Variants in ADGRL3 observed in about 807,000 individuals in gnomAD.
ADGRL3 encodes the protein calcium-independent alpha-latrotoxin receptor 3.
Under a neutral mutation model 153.5 loss-of-function variants are expected in ADGRL3, and 62 were observed. The ratio of observed to expected loss-of-function variants is 0.40; its 90% CI spans 0.33 to 0.50. The LOEUF (loss-of-function observed/expected upper bound fraction) is 0.50, where lower values mean the gene tolerates loss of function less well. Among genes scored for constraint, ADGRL3 ranks in the 20% least tolerant of loss-of-function variants. The pLI, the probability that ADGRL3 is intolerant of heterozygous loss-of-function variation, is 0.47. For missense variants in ADGRL3, 1,641 were observed against 1,859.4 expected, an observed-to-expected ratio of 0.88 and a Z score of 2.16; for synonymous variants, 710 against 672.5, an observed-to-expected ratio of 1.06 and a Z score of -0.86.
intron 2 of ADGRL3, among the ~76,000 whole-genome samples, chr4:61,437,841 T>TCCTC (rs2097470860): frequency 6.6e-6 from 1 of 152,056 alleles, no homozygotes; most frequent in Non-Finnish European, 1.5e-5. Context: ...CTGCTCGTCC[T>TCCTC]CCTCCCTCCC....
rs1745498789 is a variant in ADGRL3 at position 62,071,014 on chromosome 4, T to C, written c.*106T>C. The C allele has an allele frequency of 2.0e-6, 2 of 983,476 alleles. No individual in the cohort carries two copies. Among genetic ancestry groups the C allele is most frequent in the African/African-American group, 3.3e-5 (2 of 60,706 alleles). 60.9% of individuals were successfully genotyped at this position (983,476 alleles called of 1,614,324 possible). ...TGTGTGTACTCCTAAATCTTTATGC[T>C]GTCCTCTAAAGACAAACACAAACTC... On this transcript the variant is annotated 3_prime_UTR_variant, in exon 27 of 27. Transcript: ENST00000683033.
chr4:61,867,034 T>C (rs2098404560), intron 9 of ADGRL3, among the ~76,000 whole-genome samples: 1 of 152,082 alleles, frequency 6.6e-6, no homozygotes, highest in African/African-American at 2.4e-5. Flanking sequence ...ACATGGAAAA[T>C]TCATATGTAC....
chr4:61,807,554 A>G (rs2097565620), intron 8 of ADGRL3, among the ~76,000 whole-genome samples: 1 of 152,118 alleles, frequency 6.6e-6, no homozygotes, highest in Non-Finnish European at 1.5e-5. Flanking sequence ...AGCATTTCTC[A>G]CGCCAATGTA....
chr4:61,490,492 A>T (rs978915797), intron 2 of ADGRL3, among the ~76,000 whole-genome samples: 2 of 152,136 alleles, frequency 1.3e-5, no homozygotes, highest in African/African-American at 2.4e-5. Context: ...ACACACATGT[A>T]AATTTGTTGA....
chr4:61,549,918 T>C (rs1022568125), intron 4 of ADGRL3, among the ~76,000 whole-genome samples: 2 of 152,014 alleles, frequency 1.3e-5, no homozygotes, highest in African/African-American at 4.8e-5. Context: ...TGAATTCTTA[T>C]ATTTAAATAA....
intron 4 of ADGRL3, among the ~76,000 whole-genome samples, chr4:61,541,988 T>G (rs910285420): frequency 5.3e-5 from 8 of 152,168 alleles, no homozygotes; most frequent in African/African-American, 1.7e-4. Flanking sequence ...TCGTGGCCAA[T>G]TTATCCACAC....
At chr4:61,211,681 C>G (rs76355532) in intron 1 of ADGRL3, 2,607 of 152,232 alleles carry the variant, frequency 0.017, 37 homozygotes, top group Non-Finnish European at 0.028. Flanking sequence ...ACCAACAAAA[C>G]CCAACAAAAT....
intron 6 of ADGRL3, among the ~76,000 whole-genome samples, chr4:61,680,804 T>C (rs1057073142): frequency 2.6e-5 from 4 of 152,080 alleles, no homozygotes; most frequent in African/African-American, 7.2e-5. Flanking sequence ...TTTGTACTTA[T>C]TTTTCCGAGT....
chr4:61,869,454 C>T (rs1244244478), intron 9 of ADGRL3, among the ~76,000 whole-genome samples: 3 of 151,064 alleles, frequency 2.0e-5, no homozygotes, highest in Non-Finnish European at 4.4e-5. Flanking sequence ...AAAAATTAGC[C>T]GGGCGCGGTG....
chr4:61,536,425 T>G (rs910447005), intron 4 of ADGRL3, among the ~76,000 whole-genome samples: 5 of 152,110 alleles, frequency 3.3e-5, no homozygotes, highest in African/African-American at 4.8e-5. Context: ...GTTTAAGTCC[T>G]GAGTTTCTTT....
At chr4:61,471,815 T>G (rs981383785) in intron 2 of ADGRL3, among the ~76,000 whole-genome samples, 1 of 152,074 alleles carries the variant, frequency 6.6e-6, no homozygotes, top group Non-Finnish European at 1.5e-5. Context: ...AGAGTTTTTC[T>G]TAATTGTAAA....
At chr4:62,063,599 T>C in intron 25 of ADGRL3, 1 of 699,172 alleles carries the variant, frequency 1.4e-6, no homozygotes, top group Non-Finnish European at 2.6e-6. Context: ...CGGCGGTCTG[T>C]AACAACCCTT....
chr4:61,919,697 T>C (rs916300987), intron 13 of ADGRL3, among the ~76,000 whole-genome samples: 4 of 152,218 alleles, frequency 2.6e-5, no homozygotes, highest in Non-Finnish European at 4.4e-5. Context: ...GTAAATCTAA[T>C]GATTTAAAAA....
intron 6 of ADGRL3, among the ~76,000 whole-genome samples, chr4:61,728,672 A>T (rs946277719): frequency 6.6e-6 from 1 of 152,184 alleles, no homozygotes; most frequent in Non-Finnish European, 1.5e-5. Context: ...TATCAGGAAG[A>T]TATTGCTATC....
chr4:61,359,096 C>T (rs2096242733), intron 1 of ADGRL3, among the ~76,000 whole-genome samples: 1 of 152,176 alleles, frequency 6.6e-6, no homozygotes, highest in Admixed American at 6.6e-5. Context: ...TCTCATACAT[C>T]ACATATAGGA....
chr4:61,332,723 G>A (rs1004951933), intron 1 of ADGRL3, among the ~76,000 whole-genome samples: 4 of 152,016 alleles, frequency 2.6e-5, no homozygotes, highest in African/African-American at 4.8e-5. Context: ...GGTCAATGCC[G>A]GTGACCAAAA....
At position 61,769,616 on chromosome 4, in the gene ADGRL3, G is replaced by C. The variant is rs1339276383; in HGVS notation, c.1399+36062G>C. Among the ~76,000 whole-genome samples, 3 of 152,102 alleles carry C rather than the reference G, an allele frequency of 2.0e-5. No homozygotes were observed. In the East Asian group the frequency reaches 5.8e-4, roughly 29 times the overall value. ...ACATGGCTGTTGCTCACTTCACCTG[G>C]GTGCAGGCAGGCTGAGTCCGAAAAG... On this transcript the variant is annotated intron_variant, in intron 8 of 26. Transcript: ENST00000683033.
intron 4 of ADGRL3, among the ~76,000 whole-genome samples, chr4:61,570,399 A>G (rs1291668604): frequency 2.6e-5 from 4 of 152,032 alleles, no homozygotes; most frequent in Non-Finnish European, 5.9e-5. Context: ...CTTTTATTCC[A>G]TCTATCTGGG....
chr4:62,048,900 A>G (rs1732628046), intron 25 of ADGRL3, among the ~76,000 whole-genome samples: 1 of 152,032 alleles, frequency 6.6e-6, no homozygotes, highest in Admixed American at 6.6e-5. Context: ...GTTTGATCCA[A>G]AAATGAAATG....
Sources: allele counts gnomAD v4.1 joint callset (sites outside exome capture counted in the v4.1 genomes callset), GRCh38; gene constraint gnomAD v4.1.1; transcripts MANE v1.5; gene names NCBI Gene and HGNC (gene_info 2026-07-23, HGNC 2026-07-21).